Variants in CUX1 observed in about 807,000 individuals in gnomAD.
CUX1 encodes the protein cut like homeobox 1.
In CUX1, 31 loss-of-function variants were observed where a neutral mutation model predicts 158.8. The ratio of observed to expected loss-of-function variants is 0.20; its 90% CI spans 0.15 to 0.26. The LOEUF is 0.26. Among genes scored for constraint, CUX1 ranks in the 10% least tolerant of loss-of-function variants. The pLI, the probability that CUX1 is intolerant of heterozygous loss-of-function variation, is 1.00. For synonymous variants in CUX1, 879 were observed against 862.1 expected, an observed-to-expected ratio of 1.02 and a Z score of -0.34; for missense variants, 1,589 against 2,014.6, an observed-to-expected ratio of 0.79 and a Z score of 4.04.
chr7:101,853,622 T>TGTGTGTGTGTGTGTGTGTG, intron 1 of CUX1, among the ~76,000 whole-genome samples: 3 of 139,016 alleles, frequency 2.2e-5, no homozygotes, highest in African/African-American at 8.0e-5. Context: ...TGTGTGTGTG[T>TGTGTGTGTGTGTGTGTGTG]CGGGGTAAAG....
intron 3 of CUX1, among the ~76,000 whole-genome samples, chr7:102,050,456 G>A (rs950366188): frequency 6.6e-6 from 1 of 152,116 alleles, no homozygotes; most frequent in East Asian, 1.9e-4. Flanking sequence ...CATCTGGGCC[G>A]TTTGGGGCTG....
chr7:102,165,125 T>C (rs367578699), intron 9 of CUX1, among the ~76,000 whole-genome samples: 2 of 152,088 alleles, frequency 1.3e-5, no homozygotes, highest in South Asian at 2.1e-4. Context: ...TCTGGGGCCA[T>C]GTCGCACATG....
At chr7:102,209,840 T>C (rs1010653069) in intron 20 of CUX1, among the ~76,000 whole-genome samples, 2 of 152,176 alleles carry the variant, frequency 1.3e-5, no homozygotes, top group African/African-American at 4.8e-5. Flanking sequence ...GCTCAGAGTG[T>C]GGCCTTCTTA....
At chr7:102,011,509 A>G (rs953080848) in intron 2 of CUX1, among the ~76,000 whole-genome samples, 1 of 151,974 alleles carries the variant, frequency 6.6e-6, no homozygotes, top group Non-Finnish European at 1.5e-5. Context: ...CAGCCTCCCA[A>G]GTAGCTGGGA....
At chr7:102,222,643 A>G (rs534304544) in intron 20 of CUX1, among the ~76,000 whole-genome samples, 3 of 151,738 alleles carry the variant, frequency 2.0e-5, no homozygotes, top group African/African-American at 7.3e-5. Context: ...AGATTCACGC[A>G]TGTCGATATG....
rs1789702319 is a variant in CUX1 at position 102,254,735 on chromosome 7, G to A, written c.*5693G>A. 1 of 985,408 alleles carries A rather than the reference G, an allele frequency of 1.0e-6. No individual in the cohort carries two copies. Among genetic ancestry groups the A allele is most frequent in the Admixed American group, 6.1e-5 (1 of 16,278 alleles). 61.0% of individuals were successfully genotyped at this position (985,408 alleles called of 1,614,324 possible). ...GGAAGCCTTTGTGACCACAAGGGCA[G>A]GGCTTGTGCCCTGAGTGGCGAGGTG... On this transcript the variant is annotated 3_prime_UTR_variant, in exon 24 of 24. Coordinates refer to ENST00000292535, the MANE Select transcript of CUX1 (RefSeq NM_181552.4).
chr7:101,836,682 CTCA>C (rs1794668096), intron 1 of CUX1, among the ~76,000 whole-genome samples: 5 of 77,284 alleles, frequency 6.5e-5, no homozygotes, highest in Admixed American at 2.4e-4. Context: ...GAGACTCCTT[CTCA>C]AAAAAAAAAA....
intron 21 of CUX1, among the ~76,000 whole-genome samples, chr7:102,231,312 G>A (rs1798961834): frequency 1.4e-5 from 2 of 147,252 alleles, no homozygotes; most frequent in African/African-American, 2.5e-5. Context: ...TTACAGGCGT[G>A]AGCCACTGCG....
intron 1 of CUX1, among the ~76,000 whole-genome samples, chr7:101,844,066 A>G (rs939533069): frequency 2.0e-5 from 3 of 152,164 alleles, no homozygotes; most frequent in Non-Finnish European, 4.4e-5. Flanking sequence ...GCCCTGGCCA[A>G]TCAGGGCTCA....
At chr7:102,126,879 T>G (rs1554495439) in intron 8 of CUX1, among the ~76,000 whole-genome samples, 1 of 152,234 alleles carries the variant, frequency 6.6e-6, no homozygotes, top group East Asian at 1.9e-4. Flanking sequence ...GCCCTGAGCT[T>G]GTTTTTCTGC....
rs377132723 is a variant in CUX1, at chr7:101,943,110, T to G, written c.141+26885T>G. On this transcript the variant is annotated intron_variant, in intron 2 of 23. Transcript: ENST00000292535. ...TTTTTTTTTTTTTTTTTTTACTTTT[T>G]CTTTTTCTGTTTTTGAGATGGAGTC... Among the ~76,000 whole-genome samples, 867 of 147,948 alleles carry G rather than the reference T, an allele frequency of 5.9e-3. 4 individuals are homozygous for G. The highest frequency in any genetic ancestry group is 0.02 in the African/African-American group (815 of 39,958).
At chr7:101,825,858 C>T (rs1344020262) in intron 1 of CUX1, among the ~76,000 whole-genome samples, 1 of 151,816 alleles carries the variant, frequency 6.6e-6, no homozygotes, top group East Asian at 1.9e-4. Context: ...CCAAGTCTTT[C>T]TAACACACGA....
In CUX1 at chr7:101,997,131, C is replaced by T. The variant is rs554191010; in HGVS notation, c.142-30967C>T. Reference sequence around the variant, plus strand: ...GCCCCAAACACAGTCCTTGTCAGCACGCCGATCTGGACCTGAATTGGGCCC... The same window carrying T: ...GCCCCAAACACAGTCCTTGTCAGCATGCCGATCTGGACCTGAATTGGGCCC... On this transcript the variant is annotated intron_variant, in intron 2 of 23. Coordinates refer to ENST00000292535, the MANE Select transcript of CUX1 (RefSeq NM_181552.4). Among the ~76,000 whole-genome samples, 11 of 152,184 alleles carry T rather than the reference C, an allele frequency of 7.2e-5. No individual in the cohort carries two copies. In the East Asian group the frequency reaches 7.7e-4, roughly 11 times the overall value.
In CUX1 at chr7:102,249,116, G is replaced by A; in HGVS notation, c.*74G>A. The A allele has an allele frequency of 8.5e-7, 1 of 1,183,152 alleles. No individual in the cohort carries two copies. The highest frequency in any genetic ancestry group is 1.0e-6 in the Non-Finnish European group (1 of 954,724). 73.3% of individuals were successfully genotyped at this position (1,183,152 alleles called of 1,614,324 possible). On this transcript the variant is annotated 3_prime_UTR_variant, in exon 24 of 24. Coordinates refer to ENST00000292535, the MANE Select transcript of CUX1 (RefSeq NM_181552.4). ...GACGGGGTCGGACGGGGCAGGCGCT[G>A]CGGACACCGTGGCCTGGGCTTGGCC...
chr7:102,154,110 C>T (rs1249586425), intron 8 of CUX1: 1 of 152,170 alleles, frequency 6.6e-6, no homozygotes, highest in African/African-American at 2.4e-5. Flanking sequence ...CGAGACCAGC[C>T]TGGCAACATA....
chr7:101,838,752 G>A (rs778899302), intron 1 of CUX1, among the ~76,000 whole-genome samples: 5 of 151,852 alleles, frequency 3.3e-5, no homozygotes, highest in South Asian at 2.1e-4. Flanking sequence ...GCAGTGAGCC[G>A]AGATTGTGCC....
chr7:101,903,408 C>T (rs774949533), intron 1 of CUX1, among the ~76,000 whole-genome samples: 6 of 152,040 alleles, frequency 3.9e-5, no homozygotes, highest in Non-Finnish European at 7.4e-5. Context: ...CTTGCAGAGC[C>T]GAAGATTGTA....
chr7:102,161,176 C>A (rs1554507034), intron 9 of CUX1: 2 of 152,072 alleles, frequency 1.3e-5, no homozygotes, highest in Non-Finnish European at 2.9e-5. Flanking sequence ...TAACAAGTCC[C>A]CCATCTCCAT....
chr7:102,002,965 A>G (rs1358928397), intron 2 of CUX1, among the ~76,000 whole-genome samples: 1 of 151,936 alleles, frequency 6.6e-6, no homozygotes, highest in Non-Finnish European at 1.5e-5. Context: ...GCAATGGCAC[A>G]ATCTCGGCTC....
Sources: allele counts gnomAD v4.1 joint callset (sites outside exome capture counted in the v4.1 genomes callset), GRCh38; gene constraint gnomAD v4.1.1; transcripts MANE v1.5; gene names NCBI Gene and HGNC (gene_info 2026-07-23, HGNC 2026-07-21).